NCAM2: variants seen among roughly 807,000 people sequenced by gnomAD.
NCAM2 encodes the protein neural cell adhesion molecule 2.
NCAM2 carries 30 observed loss-of-function variants against 98.1 expected under a neutral mutation model. The observed-to-expected ratio is 0.31, with a 90% CI of 0.23 to 0.41. The LOEUF (loss-of-function observed/expected upper bound fraction) is 0.41, where lower values mean the gene tolerates loss of function less well. NCAM2 is among the 10% of genes least tolerant of loss of function. NCAM2 has a pLI of 1.00. For missense variants in NCAM2, 867 were observed against 1,005.8 expected, an observed-to-expected ratio of 0.86 and a Z score of 1.87; for synonymous variants, 368 against 342.4, an observed-to-expected ratio of 1.07 and a Z score of -0.83.
rs990600293 is a variant in NCAM2 at position 21,452,420 on chromosome 21, A to G, written c.1655-14186A>G. Among the ~76,000 whole-genome samples, 5 of 146,192 alleles carry G rather than the reference A, an allele frequency of 3.4e-5. No homozygotes were observed. In the East Asian group the frequency reaches 7.9e-4, roughly 23 times the overall value. ...GAGATTCCATAGTGAAGAAAGTAAT[A>G]CAATGTCTTCATGGAATTTACATTG... is the stretch of plus-strand genomic sequence containing the variant. On this transcript the variant is annotated intron_variant, in intron 12 of 17. Coordinates refer to ENST00000400546, the MANE Select transcript of NCAM2 (RefSeq NM_004540.5).
rs202056638 is a variant in NCAM2 at position 21,312,397 on chromosome 21, T to G, written c.620-11986T>G. Among the ~76,000 whole-genome samples the G allele has an allele frequency of 7.3e-5, 11 of 151,384 alleles. No individual in the cohort carries two copies. The East Asian group carries it at 1.7e-3, about 24-fold the overall frequency. ...ATTATCTTCAATTAATTTATCCACC[T>G]AACAGTTTAAAGAACAATTATTTAA... On this transcript the variant is annotated intron_variant, in intron 5 of 17. Transcript: ENST00000400546.
intron 1 of NCAM2, among the ~76,000 whole-genome samples, chr21:21,264,480 C>T (rs1430624755): frequency 6.6e-6 from 1 of 151,906 alleles, no homozygotes; most frequent in Non-Finnish European, 1.5e-5. Context: ...TTTGACCTAG[C>T]AATTCCATTA....
chr21:21,084,762 T>A (rs2065875519), intron 1 of NCAM2, among the ~76,000 whole-genome samples: 3 of 152,196 alleles, frequency 2.0e-5, no homozygotes, highest in Admixed American at 6.5e-5. Context: ...TTCCCAATTG[T>A]CTTGTAAGGC....
chr21:21,233,095 A>G lies in NCAM2; in HGVS notation c.56-47483A>G, dbSNP rs574714912. The stretch of plus-strand genomic sequence containing the variant: ...AGGTAGTTTTGGGTTTTTTTCTGTG[A>G]CTTCCTTCTGTATTAAGTTTTTATT... On this transcript the variant is annotated intron_variant, in intron 1 of 17. Transcript: ENST00000400546. Among the ~76,000 whole-genome samples, 3 of 151,514 alleles carry G rather than the reference A, an allele frequency of 2.0e-5. No individual in the cohort carries two copies. The South Asian group carries it at 6.2e-4, about 31-fold the overall frequency.
At chr21:21,238,178 A>C (rs1318928686) in intron 1 of NCAM2, among the ~76,000 whole-genome samples, 2 of 152,064 alleles carry the variant, frequency 1.3e-5, no homozygotes, top group South Asian at 2.1e-4. Context: ...GCTGGTCTCA[A>C]ACTCCTGACC....
chr21:21,390,206 G>A (rs1364951631), intron 9 of NCAM2, among the ~76,000 whole-genome samples: 3 of 151,938 alleles, frequency 2.0e-5, no homozygotes, highest in African/African-American at 7.3e-5. Flanking sequence ...AAATATATTG[G>A]CTTGCATTAT....
chr21:21,226,010 C>T (rs1213170551), intron 1 of NCAM2, among the ~76,000 whole-genome samples: 1 of 152,042 alleles, frequency 6.6e-6, no homozygotes, highest in Non-Finnish European at 1.5e-5. Context: ...TTTGTGGCAA[C>T]ATGGATGCAG....
chr21:21,219,270 CT>C (rs2070036568), intron 1 of NCAM2, among the ~76,000 whole-genome samples: 1 of 151,848 alleles, frequency 6.6e-6, no homozygotes, highest in Admixed American at 6.6e-5. Flanking sequence ...TTAGACACCC[CT>C]GGACTTGAAA....
chr21:21,389,202 A>G (rs985180716), intron 9 of NCAM2, among the ~76,000 whole-genome samples: 1 of 152,230 alleles, frequency 6.6e-6, no homozygotes, highest in African/African-American at 2.4e-5. Context: ...CTGAAGGCAA[A>G]TGAGGAGCAA....
chr21:21,182,263 A>T (rs1269391208), intron 1 of NCAM2, among the ~76,000 whole-genome samples: 2 of 152,164 alleles, frequency 1.3e-5, no homozygotes, highest in Non-Finnish European at 2.9e-5. Flanking sequence ...TAGTAACTTT[A>T]TAATAGTGTT....
chr21:21,507,492 T>A (rs1209923948), intron 15 of NCAM2, among the ~76,000 whole-genome samples: 1 of 152,096 alleles, frequency 6.6e-6, no homozygotes, highest in Admixed American at 6.6e-5. Flanking sequence ...ATGCATTTTG[T>A]CATTAAAAAG....
intron 8 of NCAM2, among the ~76,000 whole-genome samples, chr21:21,354,491 G>A (rs1195373391): frequency 6.6e-6 from 1 of 152,040 alleles, no homozygotes; most frequent in Non-Finnish European, 1.5e-5. Context: ...ATTTTTAAAT[G>A]CACATTAAAA....
At chr21:21,372,890 A>G (rs1174193586) in intron 8 of NCAM2, among the ~76,000 whole-genome samples, 1 of 151,910 alleles carries the variant, frequency 6.6e-6, no homozygotes, top group Non-Finnish European at 1.5e-5. Flanking sequence ...GGTAATTACA[A>G]GAGAACATGT....
At chr21:21,368,199 G>A (rs1338872328) in intron 8 of NCAM2, among the ~76,000 whole-genome samples, 1 of 151,834 alleles carries the variant, frequency 6.6e-6, no homozygotes, top group Non-Finnish European at 1.5e-5. Context: ...ATAATTTTAT[G>A]TAGAGGTAAC....
chr21:21,404,575 A>G (rs940032373), intron 9 of NCAM2, among the ~76,000 whole-genome samples: 8 of 152,056 alleles, frequency 5.3e-5, no homozygotes, highest in African/African-American at 1.9e-4. Context: ...CCAGTTTTGA[A>G]TGTCTTTATC....
intron 1 of NCAM2, among the ~76,000 whole-genome samples, chr21:21,027,369 T>C (rs1200362942): frequency 6.6e-6 from 1 of 152,208 alleles, no homozygotes; most frequent in Non-Finnish European, 1.5e-5. Context: ...GAAATTTGGT[T>C]CATAGAGATG....
chr21:21,485,320 T>G (rs909178267), intron 15 of NCAM2, among the ~76,000 whole-genome samples: 4 of 152,190 alleles, frequency 2.6e-5, no homozygotes, highest in African/African-American at 9.6e-5. Context: ...GGATTTAGAT[T>G]ACATTTTGAG....
In NCAM2 at chr21:21,387,978, G is replaced by A. The variant is rs79770180; in HGVS notation, c.1195+13965G>A. Among the ~76,000 whole-genome samples, 892 of 152,260 alleles carry A rather than the reference G, an allele frequency of 5.9e-3. 13 individuals carry two copies. The highest frequency in any genetic ancestry group is 0.02 in the African/African-American group (822 of 41,546). ...AACACCCAAAAACACAGTGTCATAC[G>A]ATAATTATCACGTTGGAAACTGCTG... On this transcript the variant is annotated intron_variant, in intron 9 of 17. Transcript: ENST00000400546.
At chr21:21,230,050 A>G (rs1317119067) in intron 1 of NCAM2, among the ~76,000 whole-genome samples, 1 of 151,380 alleles carries the variant, frequency 6.6e-6, no homozygotes, top group Admixed American at 6.6e-5. Flanking sequence ...CATTTTAACA[A>G]TGAGTAATCT....
Sources: gnomAD v4.1 joint callset for allele counts (sites outside exome capture counted in the v4.1 genomes callset) on GRCh38, gnomAD v4.1.1 for gene constraint, MANE v1.5 for transcripts, NCBI Gene and HGNC (gene_info 2026-07-23, HGNC 2026-07-21) for gene names.